Variants in FBXO10 observed in about 807,000 individuals in gnomAD.
FBXO10 encodes F-box only protein 10.
Under a neutral mutation model 80.7 loss-of-function variants are expected in FBXO10, and 39 were observed. The ratio of observed to expected loss-of-function variants is 0.48; its 90% CI spans 0.37 to 0.63. The LOEUF (loss-of-function observed/expected upper bound fraction) is 0.63, where lower values mean the gene tolerates loss of function less well. FBXO10 is among the 30% of genes least tolerant of loss of function. FBXO10 has a pLI of 0.00. For missense variants in FBXO10, 1,025 were observed against 1,269.0 expected (o/e 0.81, Z 2.92); for synonymous variants, 449 against 489.6 (o/e 0.92, Z 1.09).
intron 1 of FBXO10, among the ~76,000 whole-genome samples, chr9:37,553,098 G>A (rs1395310429): frequency 6.6e-6 from 1 of 151,840 alleles, no homozygotes; most frequent in South Asian, 2.1e-4. Flanking sequence ...CTGGAGTGTA[G>A]TGGTGCAATC....
intron 1 of FBXO10, among the ~76,000 whole-genome samples, chr9:37,572,633 G>A (rs1822788121): frequency 6.6e-6 from 1 of 152,126 alleles, no homozygotes; most frequent in Non-Finnish European, 1.5e-5. Context: ...ATATACATAG[G>A]TGATATAATT....
rs200529891 is a variant in FBXO10 at position 37,517,327 on chromosome 9, AC to A, written c.2514+797del. ...CACCACTAAAGAACTTATCCATATA[AC>A]CAAAAACCACCTGTACCCCAAAAAC... On this transcript the variant is annotated intron_variant, in intron 9 of 10. Coordinates refer to ENST00000432825, the MANE Select transcript of FBXO10 (RefSeq NM_012166.3). Among the ~76,000 whole-genome samples the A allele has an allele frequency of 8.1e-3, 1,236 of 152,304 alleles. 18 individuals are homozygous for A. The highest frequency in any genetic ancestry group is 0.028 in the African/African-American group (1,167 of 41,542).
At chr9:37,527,856 A>G (rs12349886) in intron 5 of FBXO10, among the ~76,000 whole-genome samples, 12,341 of 152,130 alleles carry the variant, frequency 0.081, 1,397 homozygotes, top group African/African-American at 0.25. Context: ...GAGCTCTATG[A>G]CCACTAATTG....
chr9:37,548,343 C>G (rs1822109623), intron 1 of FBXO10, among the ~76,000 whole-genome samples: 1 of 151,082 alleles, frequency 6.6e-6, no homozygotes, highest in African/African-American at 2.4e-5. Flanking sequence ...TGAGATTGTG[C>G]CACTGCACTC....
At chr9:37,571,426 G>C (rs937076395) in intron 1 of FBXO10, among the ~76,000 whole-genome samples, 1 of 152,132 alleles carries the variant, frequency 6.6e-6, no homozygotes, top group Non-Finnish European at 1.5e-5. Flanking sequence ...ACAAGAAGTG[G>C]ACTGTGGAGA....
chr9:37,536,035 G>C (rs1821757643), intron 3 of FBXO10: 1 of 152,156 alleles, frequency 6.6e-6, no homozygotes, highest in African/African-American at 2.4e-5. Flanking sequence ...TATGTGTACA[G>C]GAGTCTTGCA....
intron 1 of FBXO10, among the ~76,000 whole-genome samples, chr9:37,548,188 C>T (rs1326905825): frequency 1.3e-5 from 2 of 152,032 alleles, no homozygotes; most frequent in Admixed American, 6.6e-5. Flanking sequence ...AGTTTGAGAC[C>T]AGCCTGGCCA....
Position 37,537,896 on chromosome 9 carries a change from C to A in FBXO10, c.633G>T (p.Gly211=). The A allele has an allele frequency of 6.2e-7, 1 of 1,613,962 alleles. No individual in the cohort carries two copies. Among genetic ancestry groups the A allele is most frequent in the Non-Finnish European group, 8.5e-7 (1 of 1,179,884 alleles). ...VQFDNCNFEN[G]HIQVHGPGTC... Reference sequence around the variant, plus strand: ...TACCCGGGCCATGGACCTGGATGTGCCCGTTCTCAAAGTTGCAGTTGTCAA... The same window carrying A: ...TACCCGGGCCATGGACCTGGATGTGACCGTTCTCAAAGTTGCAGTTGTCAA... Residue 211 remains glycine (G), a synonymous_variant, in exon 3 of 11, where the codon GGG becomes GGT. Coordinates refer to ENST00000432825, the MANE Select transcript of FBXO10 (RefSeq NM_012166.3).
At chr9:37,553,634 G>A (rs567608215) in intron 1 of FBXO10, among the ~76,000 whole-genome samples, 10 of 151,740 alleles carry the variant, frequency 6.6e-5, no homozygotes, top group South Asian at 6.3e-4. Flanking sequence ...GGCCAGGCAC[G>A]GTGGCTCATG....
At chr9:37,557,716 C>T (rs945841506) in intron 1 of FBXO10, among the ~76,000 whole-genome samples, 1 of 152,178 alleles carries the variant, frequency 6.6e-6, no homozygotes, top group Admixed American at 6.5e-5. Context: ...CATACTATGT[C>T]CCCACATGGT....
chr9:37,539,855 G>A (rs1821868409), intron 2 of FBXO10, among the ~76,000 whole-genome samples: 1 of 152,142 alleles, frequency 6.6e-6, no homozygotes, highest in Admixed American at 6.5e-5. Flanking sequence ...TGCAAAATAG[G>A]CATACCACAT....
chr9:37,550,011 C>A (rs1478310529), intron 1 of FBXO10, among the ~76,000 whole-genome samples: 1 of 152,026 alleles, frequency 6.6e-6, no homozygotes, highest in Non-Finnish European at 1.5e-5. Flanking sequence ...CAAGCCCAAT[C>A]AAAACTCATT....
At chr9:37,554,817 C>T (rs1464041607) in intron 1 of FBXO10, among the ~76,000 whole-genome samples, 4 of 151,044 alleles carry the variant, frequency 2.6e-5, no homozygotes, top group African/African-American at 9.9e-5. Context: ...TAATATATCA[C>T]AGTTTAAAAA....
At chr9:37,564,370 C>A (rs1161644554) in intron 1 of FBXO10, among the ~76,000 whole-genome samples, 1 of 152,150 alleles carries the variant, frequency 6.6e-6, no homozygotes, top group African/African-American at 2.4e-5. Context: ...GGCCCCCACA[C>A]AGAGTCTCCA....
intron 1 of FBXO10, among the ~76,000 whole-genome samples, chr9:37,561,172 AC>A (rs1822470255): frequency 8.2e-6 from 1 of 121,434 alleles, no homozygotes; most frequent in Admixed American, 8.0e-5. Context: ...AACAAAATCA[AC>A]TTTTTTTTTT....
At chr9:37,538,910 G>A (rs2119118910) in intron 2 of FBXO10, among the ~76,000 whole-genome samples, 1 of 152,262 alleles carries the variant, frequency 6.6e-6, no homozygotes, top group South Asian at 2.1e-4. Flanking sequence ...GGAGCAGAGT[G>A]TCCTCAAGAG....
At chr9:37,573,840 T>C (rs1822823733) in intron 1 of FBXO10, among the ~76,000 whole-genome samples, 2 of 151,934 alleles carry the variant, frequency 1.3e-5, no homozygotes, top group Non-Finnish European at 2.9e-5. Flanking sequence ...ATGTATACAG[T>C]ATCAAACATT....
chr9:37,548,942 G>T (rs1184760259), intron 1 of FBXO10, among the ~76,000 whole-genome samples: 1 of 152,110 alleles, frequency 6.6e-6, no homozygotes, highest in Non-Finnish European at 1.5e-5. Flanking sequence ...TACAGACGGG[G>T]TTTCACCGTA....
Position 37,555,446 on chromosome 9 carries a change from T to TCACCG in FBXO10, c.-6-13677_-6-13673dup, listed in dbSNP as rs559799027. On this transcript the variant is annotated intron_variant, in intron 1 of 10. Transcript: ENST00000432825. ...TGAAGCCCAGTGGTGCAATCTCGGC[T>TCACCG]CACCGCAACCTCCAACCTCCACCTC... Among the ~76,000 whole-genome samples the TCACCG allele has an allele frequency of 3.9e-5, 6 of 152,222 alleles. No homozygotes were observed. The South Asian group carries it at 1.2e-3, about 32-fold the overall frequency.
Sources: allele counts gnomAD v4.1 joint callset (sites outside exome capture counted in the v4.1 genomes callset), GRCh38; gene constraint gnomAD v4.1.1; transcripts MANE v1.5; gene names NCBI Gene and HGNC (gene_info 2026-07-23, HGNC 2026-07-21).